Variants in RNF150 observed in about 807,000 individuals in gnomAD.
The protein encoded by RNF150 is ring finger protein 150.
RNF150 carries 24 observed loss-of-function variants against 39.3 expected under a neutral mutation model. That is an observed-to-expected ratio of 0.61 (90% confidence interval 0.44 to 0.86). RNF150 has a LOEUF of 0.86. RNF150 is among the 40% of genes least tolerant of loss of function. RNF150 has a pLI of 0.00. For missense variants in RNF150, 502 were observed against 587.8 expected, an observed-to-expected ratio of 0.85 and a Z score of 1.51; for synonymous variants, 255 against 227.3, an observed-to-expected ratio of 1.12 and a Z score of -1.10.
intron 1 of RNF150, among the ~76,000 whole-genome samples, chr4:141,048,816 A>G (rs1170215645): frequency 6.6e-6 from 1 of 152,208 alleles, no homozygotes; most frequent in Non-Finnish European, 1.5e-5. Context: ...CAAGAAGAAG[A>G]TATATTGCCT....
At chr4:141,198,228 T>C (rs1318794677) in intron 1 of RNF150, among the ~76,000 whole-genome samples, 2 of 152,100 alleles carry the variant, frequency 1.3e-5, no homozygotes, top group African/African-American at 2.4e-5. Flanking sequence ...GGTTTCACCA[T>C]GTTGGCCAGG....
At chr4:140,960,844 A>G (rs1732992464) in intron 2 of RNF150, among the ~76,000 whole-genome samples, 2 of 152,118 alleles carry the variant, frequency 1.3e-5, no homozygotes, top group South Asian at 4.1e-4. Flanking sequence ...AAGGTGGGGA[A>G]TATATTTTCC....
intron 4 of RNF150, among the ~76,000 whole-genome samples, chr4:140,928,749 T>C (rs1236097262): frequency 2.0e-5 from 3 of 152,140 alleles, no homozygotes; most frequent in African/African-American, 7.2e-5. Flanking sequence ...GGTTTCACTG[T>C]GTTAGCCAGG....
chr4:141,047,968 A>T (rs965042065), intron 1 of RNF150, among the ~76,000 whole-genome samples: 5 of 152,164 alleles, frequency 3.3e-5, no homozygotes, highest in African/African-American at 1.2e-4. Context: ...AGTCAATAGG[A>T]GAATGAGAGT....
chr4:141,067,783 A>G (rs1174852977), intron 1 of RNF150, among the ~76,000 whole-genome samples: 3 of 152,176 alleles, frequency 2.0e-5, no homozygotes, highest in Admixed American at 2.0e-4. Context: ...ATTTCTCATA[A>G]AGACTTTTTA....
rs140243858 is a variant in RNF150, at chr4:140,978,307, G to A, written c.485-10434C>T. ...TTTCACAACAGATCCTCTCAGTGTA[G>A]ATTTGTCATTACAGTTAGAGCTAAC... On this transcript the variant is annotated intron_variant, in intron 1 of 6. Coordinates refer to ENST00000515673, the MANE Select transcript of RNF150 (RefSeq NM_020724.2). Among the ~76,000 whole-genome samples the A allele has an allele frequency of 2.2e-3, 332 of 152,246 alleles. 1 individual carries two copies. Among genetic ancestry groups the A allele is most frequent in the Middle Eastern group, 0.01 (3 of 294 alleles).
chr4:140,874,744 C>T (rs539510159), intron 6 of RNF150, among the ~76,000 whole-genome samples: 48 of 152,212 alleles, frequency 3.2e-4, no homozygotes, highest in South Asian at 8.3e-4. Flanking sequence ...CCTGAATAGC[C>T]GGGACTACAG....
intron 1 of RNF150, among the ~76,000 whole-genome samples, chr4:141,164,066 A>T (rs1413715968): frequency 6.6e-6 from 1 of 152,068 alleles, no homozygotes; most frequent in East Asian, 1.9e-4. Context: ...ATAAAACGTT[A>T]CAGGAACTGA....
intron 6 of RNF150, among the ~76,000 whole-genome samples, chr4:140,871,326 T>C (rs1054861223): frequency 1.3e-5 from 2 of 152,198 alleles, no homozygotes; most frequent in African/African-American, 4.8e-5. Context: ...TTGCCTTTTT[T>C]ACAATTCTTC....
chr4:140,896,871 A>C (rs1315516564), intron 6 of RNF150, among the ~76,000 whole-genome samples: 2 of 152,120 alleles, frequency 1.3e-5, no homozygotes, highest in African/African-American at 2.4e-5. Flanking sequence ...ATGTTTCATG[A>C]GCAAAGAAGC....
At chr4:141,199,353 A>G (rs1328808206) in intron 1 of RNF150, among the ~76,000 whole-genome samples, 3 of 152,196 alleles carry the variant, frequency 2.0e-5, no homozygotes, top group Non-Finnish European at 4.4e-5. Flanking sequence ...CCATCAATCT[A>G]CTTTTTATCC....
In RNF150 at chr4:140,865,210, G is replaced by A. The variant is rs1728653323; in HGVS notation, c.*3051C>T. 1 of 152,158 alleles carries A rather than the reference G, an allele frequency of 6.6e-6. No individual in the cohort carries two copies. Among genetic ancestry groups the A allele is most frequent in the African/African-American group, 2.4e-5 (1 of 41,444 alleles). The allele number at this position is 152,158 out of a possible 1,614,324, so 9.4% of individuals were successfully genotyped here. A position where few individuals can be genotyped will look rare whatever the true frequency, so the allele number is the denominator to read the frequency against. On this transcript the variant is annotated 3_prime_UTR_variant, in exon 7 of 7. Coordinates refer to ENST00000515673, the MANE Select transcript of RNF150 (RefSeq NM_020724.2). ...CATTAATTTACATTAGTGACATGTT[G>A]AAACAATATTAGGTTAAAGTACATG...
At chr4:140,910,017 A>T (rs1330817195) in intron 6 of RNF150, among the ~76,000 whole-genome samples, 2 of 152,172 alleles carry the variant, frequency 1.3e-5, no homozygotes, top group African/African-American at 2.4e-5. Context: ...AAAGGTTAAG[A>T]GTGATTGTTT....
At chr4:141,019,033 AATATATATATATATATATATAT>A (rs10527652) in intron 1 of RNF150, among the ~76,000 whole-genome samples, 3,858 of 126,396 alleles carry the variant, frequency 0.031, 191 homozygotes, top group South Asian at 0.097. Flanking sequence ...ACTGCAAAGA[AATATATATATATATATATATAT>A]ATATATATAT....
intron 1 of RNF150, among the ~76,000 whole-genome samples, chr4:141,190,003 C>T (rs1446568861): frequency 6.6e-6 from 1 of 152,042 alleles, no homozygotes; most frequent in Non-Finnish European, 1.5e-5. Flanking sequence ...TGGTTTTGTG[C>T]TTAAAATCTG....
chr4:141,134,510 T>G (rs776377228), upstream of RNF150, among the ~76,000 whole-genome samples: 3 of 152,202 alleles, frequency 2.0e-5, no homozygotes, highest in Non-Finnish European at 2.9e-5. Context: ...TTTAGCATGT[T>G]TACAGCTCTT....
chr4:141,085,314 A>G (rs1483353437), intron 1 of RNF150, among the ~76,000 whole-genome samples: 2 of 152,188 alleles, frequency 1.3e-5, no homozygotes, highest in Non-Finnish European at 2.9e-5. Context: ...GGTCCCTCCC[A>G]CGACATGTGG....
chr4:141,178,689 GGT>G (rs1174774142), intron 1 of RNF150, among the ~76,000 whole-genome samples: 2 of 152,086 alleles, frequency 1.3e-5, no homozygotes, highest in African/African-American at 2.4e-5. Flanking sequence ...AGCTTGAAAT[GGT>G]GCTGACAAGG....
intron 1 of RNF150, among the ~76,000 whole-genome samples, chr4:141,076,358 T>C (rs957383329): frequency 1.3e-5 from 2 of 152,178 alleles, no homozygotes; most frequent in African/African-American, 4.8e-5. Context: ...TATTCAGTTT[T>C]CCTTTTCATC....
Sources: allele counts gnomAD v4.1 joint callset (sites outside exome capture counted in the v4.1 genomes callset), GRCh38; gene constraint gnomAD v4.1.1; transcripts MANE v1.5; gene names NCBI Gene and HGNC (gene_info 2026-07-23, HGNC 2026-07-21).